ARHGAP25: variants seen among roughly 807,000 people sequenced by gnomAD.
The protein encoded by ARHGAP25 is Rho GTPase activating protein 25, also known as rho GTPase-activating protein 25.
ARHGAP25 carries 34 observed loss-of-function variants against 71.0 expected under a neutral mutation model. The observed-to-expected ratio is 0.48, with a 90% CI of 0.36 to 0.64. The LOEUF is 0.64. Among genes scored for constraint, ARHGAP25 ranks in the 30% least tolerant of loss-of-function variants. The pLI, the probability that ARHGAP25 is intolerant of heterozygous loss-of-function variation, is 0.00. For synonymous variants in ARHGAP25, 282 were observed against 296.5 expected (o/e 0.95, Z 0.50); for missense variants, 706 against 805.1 (o/e 0.88, Z 1.49).
At chr2:68,772,329 C>A (rs1418480991) in intron 1 of ARHGAP25, among the ~76,000 whole-genome samples, 1 of 152,240 alleles carries the variant, frequency 6.6e-6, no homozygotes, top group Non-Finnish European at 1.5e-5. Context: ...CACTTCCCCT[C>A]ACTCCTGAGT....
chr2:68,798,517 G>GAGA (rs1679736822), intron 4 of ARHGAP25, among the ~76,000 whole-genome samples: 3 of 146,822 alleles, frequency 2.0e-5, no homozygotes, highest in African/African-American at 7.5e-5. Flanking sequence ...AGAGGAGAGA[G>GAGA]AAAAAAAAAA....
intron 1 of ARHGAP25, among the ~76,000 whole-genome samples, chr2:68,761,710 T>C (rs1273997232): frequency 6.6e-6 from 1 of 152,162 alleles, no homozygotes; most frequent in Non-Finnish European, 1.5e-5. Flanking sequence ...TTATGATGGC[T>C]GCTATTAAAA....
chr2:68,748,088 G>A (rs963672289), intron 1 of ARHGAP25, among the ~76,000 whole-genome samples: 6 of 152,056 alleles, frequency 3.9e-5, no homozygotes, highest in Admixed American at 3.3e-4. Flanking sequence ...ATCTATGCCC[G>A]TGGGATCAGG....
intron 9 of ARHGAP25, chr2:68,819,755 G>C (rs1681503044): frequency 9.4e-6 from 4 of 426,084 alleles, no homozygotes; most frequent in Non-Finnish European, 1.2e-5. Context: ...TGATGTGTTT[G>C]TGTAATATTT....
chr2:68,798,106 A>G (rs10496168), intron 4 of ARHGAP25, among the ~76,000 whole-genome samples: 10,364 of 152,268 alleles, frequency 0.068, 1,208 homozygotes, highest in African/African-American at 0.24. Flanking sequence ...TCTTGAAAAA[A>G]AAGATCTTGT....
intron 1 of ARHGAP25, among the ~76,000 whole-genome samples, chr2:68,758,827 A>G (rs925144153): frequency 3.3e-5 from 5 of 151,960 alleles, no homozygotes; most frequent in Admixed American, 1.3e-4. Flanking sequence ...GCACATGGAT[A>G]TTTTCTAGGA....
At chr2:68,750,471 T>TG (rs1367911936) in intron 1 of ARHGAP25, among the ~76,000 whole-genome samples, 1 of 152,008 alleles carries the variant, frequency 6.6e-6, no homozygotes, top group Non-Finnish European at 1.5e-5. Context: ...TACAGGCACC[T>TG]GTCACCATGC....
intron 4 of ARHGAP25, among the ~76,000 whole-genome samples, chr2:68,800,841 T>C (rs1049937575): frequency 1.3e-5 from 2 of 152,114 alleles, no homozygotes; most frequent in Non-Finnish European, 2.9e-5. Flanking sequence ...TTAATTACAT[T>C]GGTTAATAGT....
chr2:68,822,975 T>C (rs986674579), intron 10 of ARHGAP25, 103 bp downstream of exon 10: 7 of 1,260,284 alleles, frequency 5.6e-6, no homozygotes, highest in Middle Eastern at 1.9e-4. Context: ...AAGCTTCAAT[T>C]TGGGGAAGAC....
At chr2:68,729,594 T>A (rs1674964881) in intron 2 of ARHGAP25, among the ~76,000 whole-genome samples, 1 of 152,258 alleles carries the variant, frequency 6.6e-6, no homozygotes, top group African/African-American at 2.4e-5. Context: ...AAGTATTTGC[T>A]TATTCAACTG....
chr2:68,823,140 A>G (rs1485367005), intron 10 of ARHGAP25, among the ~76,000 whole-genome samples: 1 of 152,246 alleles, frequency 6.6e-6, no homozygotes, highest in Non-Finnish European at 1.5e-5. Flanking sequence ...TCAAGAATCA[A>G]CATGCTTTAA....
upstream of ARHGAP25, among the ~76,000 whole-genome samples, chr2:68,731,675 C>A (rs1444618984): frequency 6.6e-6 from 1 of 152,090 alleles, no homozygotes; most frequent in Non-Finnish European, 1.5e-5. Flanking sequence ...GTGCCTCATT[C>A]ATATTGTTGG....
intron 2 of ARHGAP25, among the ~76,000 whole-genome samples, chr2:68,776,669 G>C (rs75743682): frequency 0.073 from 11,104 of 152,072 alleles, 535 homozygotes; most frequent in African/African-American, 0.13. Context: ...GAACAATTAC[G>C]CCAGGACCCC....
Position 68,776,116 on chromosome 2 carries a change from G to A in ARHGAP25, c.261+696G>A, listed in dbSNP as rs538304711. Among the ~76,000 whole-genome samples the A allele has an allele frequency of 1.0e-3, 155 of 151,950 alleles. 1 individual carries two copies. Among genetic ancestry groups the A allele is most frequent in the Admixed American group, 3.7e-3 (57 of 15,286 alleles). On this transcript the variant is annotated intron_variant, in intron 2 of 10. Coordinates refer to ENST00000409202, the MANE Select transcript of ARHGAP25 (RefSeq NM_001007231.3). Reference sequence around the variant, plus strand: ...GGGGAAAGAGTGTTCCAGGCAGAGAGAACGGCCGGTGCTAAGGCACCAAAG... The same window carrying A: ...GGGGAAAGAGTGTTCCAGGCAGAGAAAACGGCCGGTGCTAAGGCACCAAAG...
At chr2:68,811,256 T>A (rs1468999888) in intron 5 of ARHGAP25, among the ~76,000 whole-genome samples, 2 of 152,168 alleles carry the variant, frequency 1.3e-5, no homozygotes, top group African/African-American at 4.8e-5. Context: ...TTTGGAAGAC[T>A]GATTGGATGG....
chr2:68,802,364 C>T lies in ARHGAP25; in HGVS notation c.467-4909C>T, dbSNP rs986258426. 5.5e-5 allele frequency among the ~76,000 whole-genome samples: 8 copies of T among 144,346 alleles called. No homozygotes were observed. The South Asian group carries it at 6.6e-4, about 12-fold the overall frequency. 94.7% of individuals were successfully genotyped at this position (144,346 alleles called of 152,430 possible). A position where few individuals can be genotyped will look rare whatever the true frequency, so the allele number is the denominator to read the frequency against. On this transcript the variant is annotated intron_variant, in intron 4 of 10. Transcript: ENST00000409202. The stretch of plus-strand genomic sequence containing the variant: ...AGGAAGTTTCAGTGAGCCAAGATTG[C>T]GCCACTGCACCCTAGCCTGGATGAC...
In ARHGAP25 at chr2:68,812,410, C is replaced by T. The variant is rs547497832; in HGVS notation, c.675-877C>T. On this transcript the variant is annotated intron_variant, in intron 5 of 10. Transcript: ENST00000409202. Reference sequence around the variant, plus strand: ...AAATGGAGAAGCTGAACTGAACAGCCGTGCCTCTTTCAGTCAATCAGGCCC... The same window carrying T: ...AAATGGAGAAGCTGAACTGAACAGCTGTGCCTCTTTCAGTCAATCAGGCCC... Among the ~76,000 whole-genome samples the T allele has an allele frequency of 2.7e-3, 418 of 152,302 alleles. 3 individuals are homozygous for T. In the South Asian group the frequency reaches 0.034, roughly 12 times the overall value.
chr2:68,775,456 C>T (rs745941479), intron 2 of ARHGAP25, 36 bp downstream of exon 2: 6 of 1,612,938 alleles, frequency 3.7e-6, no homozygotes, highest in Admixed American at 1.7e-5. Flanking sequence ...TCATAAGGCA[C>T]GGAGGAGGCG....
chr2:68,764,960 T>C (rs1677037640), intron 1 of ARHGAP25, among the ~76,000 whole-genome samples: 1 of 152,192 alleles, frequency 6.6e-6, no homozygotes, highest in Admixed American at 6.5e-5. Context: ...AGTCCCTTTG[T>C]CATTTTAATG....
Sources: gnomAD v4.1 joint callset for allele counts (sites outside exome capture counted in the v4.1 genomes callset) on GRCh38, gnomAD v4.1.1 for gene constraint, MANE v1.5 for transcripts, NCBI Gene and HGNC (gene_info 2026-07-23, HGNC 2026-07-21) for gene names.